MKLN1: variants seen among roughly 807,000 people sequenced by gnomAD.
MKLN1 encodes the protein muskelin 1, also known as muskelin.
In MKLN1, 18 loss-of-function variants were observed where a neutral mutation model predicts 99.0. The observed-to-expected ratio is 0.18, with a 90% CI of 0.13 to 0.27. MKLN1 has a LOEUF of 0.27. Among genes scored for constraint, MKLN1 ranks in the 10% least tolerant of loss-of-function variants. The pLI, the probability that MKLN1 is intolerant of heterozygous loss-of-function variation, is 1.00. For synonymous variants in MKLN1, 288 were observed against 293.2 expected (o/e 0.98, Z 0.18); for missense variants, 621 against 875.9 (o/e 0.71, Z 3.67).
chr7:131,132,983 A>AAAG (rs1554526897), intron 1 of MKLN1, among the ~76,000 whole-genome samples: 1 of 137,358 alleles, frequency 7.3e-6, no homozygotes, highest in African/African-American at 2.7e-5. Context: ...AAGAAAGAAA[A>AAAG]ACCAGAGCAT....
intron 1 of MKLN1, among the ~76,000 whole-genome samples, chr7:131,351,401 T>C (rs770924072): frequency 2.0e-5 from 3 of 152,220 alleles, no homozygotes; most frequent in Non-Finnish European, 4.4e-5. Context: ...ATTTGACTAA[T>C]TCCTCTATTT....
intron 2 of MKLN1, among the ~76,000 whole-genome samples, chr7:131,183,833 A>G (rs1382343009): frequency 1.3e-5 from 2 of 152,092 alleles, no homozygotes; most frequent in African/African-American, 4.8e-5. Flanking sequence ...CTAAGAGCCA[A>G]TTCTTGAATC....
chr7:131,180,196 G>A (rs1043421430), intron 2 of MKLN1, among the ~76,000 whole-genome samples: 2 of 152,172 alleles, frequency 1.3e-5, no homozygotes, highest in African/African-American at 2.4e-5. Flanking sequence ...ACTCTTACAT[G>A]TACATAAATA....
chr7:131,438,412 G>A (rs917931436), intron 10 of MKLN1, among the ~76,000 whole-genome samples: 3 of 150,316 alleles, frequency 2.0e-5, no homozygotes, highest in Admixed American at 6.7e-5. Flanking sequence ...TCCAGTTAGA[G>A]TGAAATATAT....
intron 3 of MKLN1, among the ~76,000 whole-genome samples, chr7:131,300,928 C>T (rs915184432): frequency 2.0e-5 from 3 of 152,184 alleles, no homozygotes; most frequent in Non-Finnish European, 4.4e-5. Flanking sequence ...TTGGTTTCTT[C>T]ATGCTGGCTT....
intron 3 of MKLN1, among the ~76,000 whole-genome samples, chr7:131,270,740 C>T (rs1043984089): frequency 1.3e-5 from 2 of 151,982 alleles, no homozygotes; most frequent in African/African-American, 2.4e-5. Context: ...ATATAAGGTC[C>T]CTACCTTCAT....
At chr7:131,284,472 G>T (rs146036719) in intron 3 of MKLN1, among the ~76,000 whole-genome samples, 1 of 152,290 alleles carries the variant, frequency 6.6e-6, no homozygotes, top group East Asian at 1.9e-4. Flanking sequence ...TCACGCTGAG[G>T]TTACTCTGGT....
At chr7:131,333,179 C>T (rs572599746) in intron 1 of MKLN1, among the ~76,000 whole-genome samples, 1 of 152,258 alleles carries the variant, frequency 6.6e-6, no homozygotes, top group African/African-American at 2.4e-5. Context: ...TTGCTTTGGC[C>T]TCCCTAAGTG....
intron 6 of MKLN1, among the ~76,000 whole-genome samples, chr7:131,406,390 TTC>T (rs1794708335): frequency 6.6e-6 from 1 of 152,018 alleles, no homozygotes; most frequent in Non-Finnish European, 1.5e-5. Context: ...TCAGTGCCTT[TTC>T]TCTCTTCCCA....
chr7:131,241,824 A>G (rs912811957), intron 3 of MKLN1, among the ~76,000 whole-genome samples: 1 of 152,160 alleles, frequency 6.6e-6, no homozygotes, highest in Admixed American at 6.5e-5. Flanking sequence ...TTCTTTGATT[A>G]CTTTCCCTCA....
chr7:131,411,357 G>A lies in MKLN1; in HGVS notation c.755G>A (p.Ser252Asn), dbSNP rs1794869497. The A allele has an allele frequency of 1.2e-6, 2 of 1,611,372 alleles. No individual in the cohort carries two copies. The highest frequency in any genetic ancestry group is 1.7e-6 in the Non-Finnish European group (2 of 1,177,726). ...ISQQEYKPRW[S>N]QIIPKSTKGD... ...CAACAGGAATATAAGCCACGATGGAGTCAAATCATTCCCAAAAGTACCAAA... is the reference window on the plus strand; with the variant it reads ...CAACAGGAATATAAGCCACGATGGAATCAAATCATTCCCAAAAGTACCAAA... Residue 252 changes from serine (S) to asparagine (N), a missense_variant, in exon 7 of 18, where the codon AGT becomes AAT. This residue lies in a region of MKLN1 where 361 missense variants were observed against 540.8 expected (regional missense o/e 0.67). Coordinates refer to ENST00000352689, the MANE Select transcript of MKLN1 (RefSeq NM_013255.5).
At chr7:131,291,948 A>G (rs1023616285) in intron 3 of MKLN1, among the ~76,000 whole-genome samples, 2 of 152,076 alleles carry the variant, frequency 1.3e-5, no homozygotes, top group African/African-American at 4.8e-5. Context: ...CTACAAAAGA[A>G]ATTTAAAAAT....
chr7:131,290,253 C>A (rs1464634251), intron 3 of MKLN1, among the ~76,000 whole-genome samples: 1 of 152,222 alleles, frequency 6.6e-6, no homozygotes, highest in Non-Finnish European at 1.5e-5. Context: ...TGCAGTGAGC[C>A]GAGATCGCAC....
At chr7:131,328,037 C>A in intron 1 of MKLN1, 40 bp downstream of exon 1, 3 of 1,603,400 alleles carry the variant, frequency 1.9e-6, no homozygotes, top group Non-Finnish European at 2.6e-6. Flanking sequence ...CCCACCCTTC[C>A]GCGTCAGCAC....
chr7:131,374,042 G>C (rs1216748583), intron 1 of MKLN1, among the ~76,000 whole-genome samples: 1 of 152,084 alleles, frequency 6.6e-6, no homozygotes, highest in Admixed American at 6.5e-5. Context: ...AGACTCATGG[G>C]TATTTTACCA....
chr7:131,330,754 C>T (rs1369473610), intron 1 of MKLN1, among the ~76,000 whole-genome samples: 2 of 152,102 alleles, frequency 1.3e-5, no homozygotes, highest in Non-Finnish European at 2.9e-5. Flanking sequence ...TATTTTCTTT[C>T]TAAGGACTTA....
At chr7:131,184,026 T>C (rs1796412540) in intron 2 of MKLN1, among the ~76,000 whole-genome samples, 1 of 151,924 alleles carries the variant, frequency 6.6e-6, no homozygotes, top group Non-Finnish European at 1.5e-5. Flanking sequence ...AGAGTTACTT[T>C]TTTTTTTTAA....
At chr7:131,178,535 A>G (rs145418790) in intron 2 of MKLN1, among the ~76,000 whole-genome samples, 91 of 152,284 alleles carry the variant, frequency 6.0e-4, no homozygotes, top group African/African-American at 2.0e-3. Flanking sequence ...GTTAGCAAGG[A>G]TGAAGAGGAA....
chr7:131,386,589 T>C (rs1794034123), intron 2 of MKLN1, among the ~76,000 whole-genome samples: 1 of 152,228 alleles, frequency 6.6e-6, no homozygotes, highest in South Asian at 2.1e-4. Context: ...GATCCCGTTT[T>C]ATCCAATGTG....
Sources: allele counts gnomAD v4.1 joint callset (sites outside exome capture counted in the v4.1 genomes callset), GRCh38; gene constraint gnomAD v4.1.1; regional missense constraint gnomAD v4.1.1; transcripts MANE v1.5; gene names NCBI Gene and HGNC (gene_info 2026-07-23, HGNC 2026-07-21).